The following RIT2 variants were observed in gnomAD, a reference collection of about 807,000 sequenced individuals.
The protein encoded by RIT2 is Ras like without CAAX 2.
In RIT2, 24 loss-of-function variants were observed where a neutral mutation model predicts 23.7. That is an observed-to-expected ratio of 1.01 (90% confidence interval 0.73 to 1.43). The LOEUF is 1.43. RIT2 is among the 40% of genes most tolerant of loss of function. The pLI, the probability that RIT2 is intolerant of heterozygous loss-of-function variation, is 0.00. For synonymous variants in RIT2, 107 were observed against 91.1 expected, an observed-to-expected ratio of 1.17 and a Z score of -0.99; for missense variants, 236 against 266.9, an observed-to-expected ratio of 0.88 and a Z score of 0.81.
intron 4 of RIT2, among the ~76,000 whole-genome samples, chr18:42,749,011 C>T (rs757487414): frequency 2.6e-5 from 4 of 151,946 alleles, no homozygotes; most frequent in Non-Finnish European, 4.4e-5. Context: ...TTGACATATA[C>T]AACATGTCAT....
intron 4 of RIT2, among the ~76,000 whole-genome samples, chr18:42,845,215 A>C (rs1239500169): frequency 6.6e-6 from 1 of 152,102 alleles, no homozygotes; most frequent in Non-Finnish European, 1.5e-5. Flanking sequence ...TCATGAGTAG[A>C]GAAAAACAAA....
chr18:42,808,505 G>A (rs1330394491), intron 4 of RIT2, among the ~76,000 whole-genome samples: 1 of 151,746 alleles, frequency 6.6e-6, no homozygotes, highest in Non-Finnish European at 1.5e-5. Context: ...TCGATTTCAT[G>A]ATAAAAATAT....
At chr18:42,993,300 G>A (rs1350039480) in intron 2 of RIT2, among the ~76,000 whole-genome samples, 1 of 152,210 alleles carries the variant, frequency 6.6e-6, no homozygotes, top group Non-Finnish European at 1.5e-5. Context: ...TCTGGCCCAA[G>A]CCTCTCTGAT....
chr18:42,991,382 G>C (rs952684642), intron 2 of RIT2, among the ~76,000 whole-genome samples: 2 of 152,188 alleles, frequency 1.3e-5, no homozygotes, highest in Admixed American at 6.5e-5. Context: ...TGCAACCAAA[G>C]CATAATTTAG....
In RIT2 at chr18:43,107,060, A is replaced by T. The variant is rs147206853; in HGVS notation, c.103+8357T>A. Among the ~76,000 whole-genome samples the T allele has an allele frequency of 3.3e-4, 50 of 152,310 alleles. No individual in the cohort carries two copies. In the East Asian group the frequency reaches 8.9e-3, roughly 27 times the overall value. On this transcript the variant is annotated intron_variant, in intron 1 of 4. Transcript: ENST00000326695. ...ACCGTCTGTCAATGTGTACAGTCGC[A>T]ATCCCACCACACTGCAAACACACAC...
chr18:42,819,275 C>A (rs910701207), intron 4 of RIT2, among the ~76,000 whole-genome samples: 1 of 152,012 alleles, frequency 6.6e-6, no homozygotes, highest in African/African-American at 2.4e-5. Context: ...TGCCACAGTC[C>A]TTGCATTTCT....
chr18:42,772,577 C>T (rs914607065), intron 4 of RIT2, among the ~76,000 whole-genome samples: 14 of 152,164 alleles, frequency 9.2e-5, no homozygotes, highest in African/African-American at 3.4e-4. Flanking sequence ...CAAAGACCTA[C>T]TAAAACCTCT....
intron 2 of RIT2, among the ~76,000 whole-genome samples, chr18:43,024,604 G>A (rs1911667516): frequency 6.6e-6 from 1 of 151,764 alleles, no homozygotes. Context: ...AGCAAAATAA[G>A]TAATCAACAG....
At chr18:42,949,319 T>G (rs1030738046) in intron 3 of RIT2, among the ~76,000 whole-genome samples, 1 of 152,054 alleles carries the variant, frequency 6.6e-6, no homozygotes, top group Non-Finnish European at 1.5e-5. Context: ...AGAAATTTAT[T>G]TGGGAATAGG....
chr18:42,801,274 G>A (rs1306148572), intron 4 of RIT2, among the ~76,000 whole-genome samples: 1 of 152,166 alleles, frequency 6.6e-6, no homozygotes, highest in East Asian at 1.9e-4. Context: ...AAATGTTAGA[G>A]TATAACATGG....
At chr18:42,923,542 C>T (rs1306097624) in intron 4 of RIT2, 30 bp downstream of exon 4, 7 of 1,596,892 alleles carry the variant, frequency 4.4e-6, no homozygotes, top group Non-Finnish European at 6.0e-6. Context: ...GAGCAAAAGA[C>T]AGAAGCTACC....
chr18:42,929,152 C>T (rs1909265652), intron 3 of RIT2, among the ~76,000 whole-genome samples: 1 of 150,064 alleles, frequency 6.7e-6, no homozygotes, highest in South Asian at 2.1e-4. Flanking sequence ...GTTTAAACAA[C>T]CCAAGCTACA....
chr18:42,978,668 C>T (rs1257837812), intron 2 of RIT2, among the ~76,000 whole-genome samples: 2 of 152,122 alleles, frequency 1.3e-5, no homozygotes, highest in Non-Finnish European at 2.9e-5. Context: ...ACTAGGACTG[C>T]ATTCTTGGAG....
intron 1 of RIT2, among the ~76,000 whole-genome samples, chr18:43,105,509 G>GAAGGGAGGAAGGGAGGAAGA (rs1221620676): frequency 1.3e-5 from 2 of 150,710 alleles, no homozygotes; most frequent in Non-Finnish European, 1.5e-5. Flanking sequence ...AGGGAGGGAG[G>GAAGGGAGGAAGGGAGGAAGA]GAGGGAGGGA....
chr18:42,891,141 C>T (rs1908161783), intron 4 of RIT2, among the ~76,000 whole-genome samples: 1 of 152,118 alleles, frequency 6.6e-6, no homozygotes, highest in Admixed American at 6.6e-5. Flanking sequence ...AAGGACAGAG[C>T]TGAACAACAG....
intron 4 of RIT2, among the ~76,000 whole-genome samples, chr18:42,887,822 G>T (rs1598700681): frequency 6.6e-6 from 1 of 152,092 alleles, no homozygotes; most frequent in South Asian, 2.1e-4. Context: ...ATAGTATTCA[G>T]CATCAAAAAG....
intron 1 of RIT2, among the ~76,000 whole-genome samples, chr18:43,087,941 A>G (rs11662558): frequency 0.1 from 15,192 of 152,162 alleles, 817 homozygotes; most frequent in Non-Finnish European, 0.11. Flanking sequence ...CTTTGCTATT[A>G]TTGTTAGTCT....
At chr18:42,752,919 A>G (rs1021870322) in intron 4 of RIT2, among the ~76,000 whole-genome samples, 1 of 152,214 alleles carries the variant, frequency 6.6e-6, no homozygotes, top group African/African-American at 2.4e-5. Flanking sequence ...AAGAAGGAAT[A>G]AAGAAAAATG....
intron 2 of RIT2, among the ~76,000 whole-genome samples, chr18:43,029,620 T>C (rs2144278718): frequency 6.6e-6 from 1 of 152,052 alleles, no homozygotes; most frequent in East Asian, 1.9e-4. Context: ...CTCTCAGAGA[T>C]AATGAAATAA....
Sources: gnomAD v4.1 joint callset for allele counts (sites outside exome capture counted in the v4.1 genomes callset) on GRCh38, gnomAD v4.1.1 for gene constraint, MANE v1.5 for transcripts, NCBI Gene and HGNC (gene_info 2026-07-23, HGNC 2026-07-21) for gene names.